FMO2: variants seen among roughly 807,000 people sequenced by gnomAD.
FMO2 encodes the protein flavin-containing monooxygenase 2.
Under a neutral mutation model 41.6 loss-of-function variants are expected in FMO2, and 33 were observed. That is an observed-to-expected ratio of 0.79 (90% CI 0.60 to 1.06). The LOEUF is 1.06. Among genes scored for constraint, FMO2 ranks in the 50% least tolerant of loss-of-function variants. The probability of loss-of-function intolerance (pLI) is 0.00; values close to 1 mark genes in which losing one functional copy is unlikely to be tolerated. For missense variants in FMO2, 619 were observed against 632.9 expected, an observed-to-expected ratio of 0.98 and a Z score of 0.23; for synonymous variants, 214 against 219.6, an observed-to-expected ratio of 0.97 and a Z score of 0.23.
At chr1:171,187,688 G>A (rs12078869) in intron 2 of FMO2, among the ~76,000 whole-genome samples, 15,384 of 148,540 alleles carry the variant, frequency 0.1, 1,423 homozygotes, top group African/African-American at 0.26. Context: ...CCAAATCTAT[G>A]GAATCAAAAT....
At chr1:171,207,249 C>A (rs763844077) in intron 7 of FMO2, among the ~76,000 whole-genome samples, 1 of 152,318 alleles carries the variant, frequency 6.6e-6, no homozygotes, top group Non-Finnish European at 1.5e-5. Flanking sequence ...ACTCTCATCT[C>A]TCACCAGGTT....
chr1:171,208,158 T>C (rs150438577), intron 8 of FMO2, among the ~76,000 whole-genome samples: 9 of 152,278 alleles, frequency 5.9e-5, no homozygotes, highest in Non-Finnish European at 1.0e-4. Context: ...GTGGTGATAG[T>C]AGCTTGAATA....
chr1:171,194,954 T>G (rs1658239413), intron 3 of FMO2, among the ~76,000 whole-genome samples: 1 of 152,242 alleles, frequency 6.6e-6, no homozygotes, highest in Non-Finnish European at 1.5e-5. Context: ...CAATTCCTGG[T>G]AGATCTAACT....
At chr1:171,200,591 C>T (rs999154837) in intron 5 of FMO2, among the ~76,000 whole-genome samples, 1 of 152,136 alleles carries the variant, frequency 6.6e-6, no homozygotes, top group South Asian at 2.1e-4. Context: ...AAACATGACA[C>T]CCGCCCAGCA....
At chr1:171,189,816 T>C (rs367677626) in intron 2 of FMO2, among the ~76,000 whole-genome samples, 7 of 152,250 alleles carry the variant, frequency 4.6e-5, no homozygotes, top group Admixed American at 3.3e-4. Context: ...CATCTTCTAA[T>C]GCAACTGGTC....
intron 7 of FMO2, among the ~76,000 whole-genome samples, chr1:171,206,724 T>C (rs751482974): frequency 2.1e-4 from 32 of 152,288 alleles, no homozygotes; most frequent in East Asian, 9.7e-4. Flanking sequence ...ACACTTCAGA[T>C]AGATTGTTTC....
chr1:171,201,065 T>C (rs570817473), intron 5 of FMO2, among the ~76,000 whole-genome samples: 6 of 152,310 alleles, frequency 3.9e-5, no homozygotes, highest in South Asian at 2.1e-4. Flanking sequence ...GGAAGACTTA[T>C]GGTGTGAGAT....
intron 2 of FMO2, among the ~76,000 whole-genome samples, 182 bp from the exon 3 acceptor site, chr1:171,193,153 A>G (rs1310130377): frequency 7.2e-5 from 11 of 152,204 alleles, no homozygotes; most frequent in Non-Finnish European, 1.6e-4. Flanking sequence ...GGCAGGCAAC[A>G]AACTGGTGTC....
rs1001268975 is a variant in FMO2 at position 171,210,363 on chromosome 1, T to G, written c.*1218T>G. On this transcript the variant is annotated 3_prime_UTR_variant, in exon 9 of 9. Transcript: ENST00000209929. ...CTGACACTTGTATCTAACTCCAGTC[T>G]TACAGATAACTAAGGCAAAAAGCTA... The G allele has an allele frequency of 1.3e-5, 2 of 152,180 alleles. No homozygotes were observed. Among genetic ancestry groups the G allele is most frequent in the African/African-American group, 2.4e-5 (1 of 41,446 alleles). The allele number at this position is 152,180 out of a possible 1,614,324, so 9.4% of individuals were successfully genotyped here.
rs749179166 is a variant in FMO2, at chr1:171,208,924, C to T, written c.1387C>T (p.Leu463Phe). 1.2e-6 allele frequency: 2 copies of T among 1,613,948 alleles called. No homozygotes were observed. Among genetic ancestry groups the T allele is most frequent in the Non-Finnish European group, 1.7e-6 (2 of 1,179,880 alleles). ...CAAAGATCCTAAACTGGCTGTGAGA[C>T]TCTATTTCGGACCCTGCAACTCCTA... is the stretch of plus-strand genomic sequence containing the variant. ...LFKDPKLAVR[L>F]YFGPCNSYQY... Residue 463 changes from leucine to phenylalanine, a missense_variant, in exon 9 of 9, where the codon CTC becomes TTC. By Grantham distance (22) the Leu-to-Phe change is conservative (BLOSUM62 0). Transcript: ENST00000209929.
intron 4 of FMO2, among the ~76,000 whole-genome samples, chr1:171,197,920 C>T (rs1373805660): frequency 2.0e-5 from 3 of 152,186 alleles, no homozygotes; most frequent in Non-Finnish European, 2.9e-5. Flanking sequence ...GACTTCTCAG[C>T]CTCCACAATT....
intron 2 of FMO2, among the ~76,000 whole-genome samples, chr1:171,190,265 T>G (rs372270517): frequency 1.3e-5 from 2 of 152,342 alleles, no homozygotes; most frequent in East Asian, 3.9e-4. Flanking sequence ...CAAAAGATCA[T>G]AAATTCTAAA....
intron 4 of FMO2, 95 bp from the exon 5 acceptor site, chr1:171,199,247 TTAAC>T: frequency 8.2e-7 from 1 of 1,225,092 alleles, no homozygotes; most frequent in Non-Finnish European, 1.1e-6. Flanking sequence ...AAACAAATTA[TTAAC>T]TCCAGAAAGG....
chr1:171,186,011 T>G, intron 2 of FMO2, 166 bp downstream of exon 2: 1 of 720,966 alleles, frequency 1.4e-6, no homozygotes, highest in Non-Finnish European at 2.2e-6. Context: ...CTGGCATCTC[T>G]CCCCCAGTCA....
chr1:171,193,572 AT>A, intron 3 of FMO2, 49 bp downstream of exon 3: 1 of 1,190,438 alleles, frequency 8.4e-7, no homozygotes, highest in Non-Finnish European at 1.2e-6. Flanking sequence ...TTCAGCTCAT[AT>A]TTAGATAGAA....
At chr1:171,193,570 A>G in intron 3 of FMO2, 47 bp downstream of exon 3, 1 of 1,193,730 alleles carries the variant, frequency 8.4e-7, no homozygotes. Flanking sequence ...AGTTCAGCTC[A>G]TATTTAGATA....
chr1:171,193,296 A>G, intron 2 of FMO2, 39 bp from the exon 3 acceptor site: 1 of 1,501,708 alleles, frequency 6.7e-7, no homozygotes, highest in South Asian at 1.2e-5. Context: ...AAATTTTTGA[A>G]TGCGTAATTA....
chr1:171,185,558 G>A (rs769427859), intron 1 of FMO2, 150 bp from the exon 2 acceptor site: 132 of 706,528 alleles, frequency 1.9e-4, no homozygotes, highest in South Asian at 7.6e-4. Context: ...CAAGAAGAGA[G>A]CAGGATTTTT....
At chr1:171,193,122 C>G (rs1330020858) in intron 2 of FMO2, among the ~76,000 whole-genome samples, 2 of 152,142 alleles carry the variant, frequency 1.3e-5, no homozygotes, top group Non-Finnish European at 2.9e-5. Flanking sequence ...ATTACCCCTA[C>G]CCCTCACAGT....
Sources: allele counts gnomAD v4.1 joint callset (sites outside exome capture counted in the v4.1 genomes callset), GRCh38; gene constraint gnomAD v4.1.1; transcripts MANE v1.5; gene names NCBI Gene and HGNC (gene_info 2026-07-23, HGNC 2026-07-21).